HMCN2: variants seen among roughly 807,000 people sequenced by gnomAD.
HMCN2 encodes hemicentin 2.
HMCN2 carries 325 observed loss-of-function variants against 377.5 expected under a neutral mutation model. The observed-to-expected ratio is 0.86, with a 90% CI of 0.79 to 0.94. The LOEUF (loss-of-function observed/expected upper bound fraction) is 0.94. Among genes scored for constraint, HMCN2 ranks in the 40% least tolerant of loss-of-function variants. HMCN2 has a pLI of 0.00. For missense variants in HMCN2, 4,543 were observed against 4,725.3 expected (o/e 0.96, Z 1.13); for synonymous variants, 2,007 against 2,046.8 (o/e 0.98, Z 0.53).
chr9:130,300,732 C>G (rs114534691), intron 8 of HMCN2, among the ~76,000 whole-genome samples: 1 of 152,236 alleles, frequency 6.6e-6, no homozygotes, highest in South Asian at 2.1e-4. Context: ...CAATCTTTGG[C>G]CATGGTCTGT....
At position 130,274,228 on chromosome 9, in the gene HMCN2, T is replaced by G. The variant is rs545422892; in HGVS notation, c.259+8091T>G. Among the ~76,000 whole-genome samples the G allele has an allele frequency of 2.6e-5, 4 of 151,832 alleles. No individual in the cohort carries two copies. In the South Asian group the frequency reaches 8.3e-4, roughly 32 times the overall value. On this transcript the variant is annotated intron_variant, in intron 1 of 97. Transcript: ENST00000683500. ...CCACCATGCCCAGCTAATTTTTGTA[T>G]TTTTTAGTAGAGACAGGGTTTCACT...
intron 65 of HMCN2, 113 bp downstream of exon 65, chr9:130,391,687 G>A: frequency 1.1e-6 from 1 of 909,022 alleles, no homozygotes; most frequent in Non-Finnish European, 1.3e-6. Context: ...CACTTCCCTG[G>A]GCCTCCATGG....
At chr9:130,325,229 G>A (rs1838071483) in intron 19 of HMCN2, among the ~76,000 whole-genome samples, 1 of 151,798 alleles carries the variant, frequency 6.6e-6, no homozygotes, top group Non-Finnish European at 1.5e-5. Context: ...CGAGTAGCTG[G>A]GATTACAAGG....
At chr9:130,277,781 T>TCAC (rs1564739422) in intron 1 of HMCN2, among the ~76,000 whole-genome samples, 2 of 64,656 alleles carry the variant, frequency 3.1e-5, no homozygotes, top group Non-Finnish European at 6.5e-5. Flanking sequence ...ACCATCATCA[T>TCAC]CACCACCACC....
At chr9:130,310,423 A>T (rs1359541455) in intron 15 of HMCN2, among the ~76,000 whole-genome samples, 1 of 152,180 alleles carries the variant, frequency 6.6e-6, no homozygotes, top group Non-Finnish European at 1.5e-5. Context: ...GGCCTAGGGG[A>T]TCCACTCTAG....
In HMCN2 at chr9:130,366,467, A is replaced by AT. The variant is rs71499234; in HGVS notation, c.6625+498dup. Among the ~76,000 whole-genome samples, 344 of 82,972 alleles carry AT rather than the reference A, an allele frequency of 4.1e-3. 40 individuals carry two copies. The highest frequency in any genetic ancestry group is 0.012 in the African/African-American group (264 of 21,626). The allele number at this position is 82,972 out of a possible 152,430, so 54.4% of individuals were successfully genotyped here. On this transcript the variant is annotated intron_variant, in intron 43 of 97. Transcript: ENST00000683500. ...AAAACATTTGGAATTCACTTCACCAATTTTTTTTTTTTTTTTTTTTTTTTT... is the reference window on the plus strand; with the variant it reads ...AAAACATTTGGAATTCACTTCACCAATTTTTTTTTTTTTTTTTTTTTTTTTT...
In HMCN2 at chr9:130,410,211, A is replaced by G. The variant is rs1588417565; in HGVS notation, c.12880-360A>G. On this transcript the variant is annotated intron_variant, in intron 84 of 97. Coordinates refer to ENST00000683500, the MANE Select transcript of HMCN2 (RefSeq NM_001291815.2). ...TCTCCCAAACTTACTTGACCATGGAACCCTGTTCTCCAAGGAGTCTCAAAT... is the reference window on the plus strand; with the variant it reads ...TCTCCCAAACTTACTTGACCATGGAGCCCTGTTCTCCAAGGAGTCTCAAAT... Among the ~76,000 whole-genome samples, 5 of 152,348 alleles carry G rather than the reference A, an allele frequency of 3.3e-5. No individual in the cohort carries two copies. In the South Asian group the frequency reaches 1.0e-3, roughly 32 times the overall value.
chr9:130,384,411 A>G lies in HMCN2; in HGVS notation c.8869A>G (p.Thr2957Ala). 1.5e-6 allele frequency: 2 copies of G among 1,303,486 alleles called. No homozygotes were observed. The highest frequency in any genetic ancestry group is 2.0e-6 in the Non-Finnish European group (2 of 988,848). 80.7% of individuals were successfully genotyped at this position (1,303,486 alleles called of 1,614,324 possible). The change falls in exon 58 of 98, where the codon ACT becomes GCT. Residue 2957 changes from threonine (T) to alanine (A), a missense_variant. Transcript: ENST00000683500. ...CGCAGGCCTGGACTTGGAGCAGGTC[A>G]CTGCCATCCTCAACAGCAGCGTCTC... Reference protein sequence around the residue: ...RIAGLDLEQVTAILNSSVSLP... With the variant: ...RIAGLDLEQVAAILNSSVSLP...
In HMCN2 at chr9:130,365,625, T is replaced by G. The variant is rs1023991354; in HGVS notation, c.6409-6T>G. On this transcript the variant is annotated splice_polypyrimidine_tract_variant and splice_region_variant and intron_variant, in intron 41 of 97. Transcript: ENST00000683500. ...CCTCCCATGGGGTGTCTTTGCTCTCTGCCAGGTGGACAGAGCCGATGTGTG... is the reference window on the plus strand; with the variant it reads ...CCTCCCATGGGGTGTCTTTGCTCTCGGCCAGGTGGACAGAGCCGATGTGTG... 1.1e-5 allele frequency: 11 copies of G among 985,868 alleles called. No individual in the cohort carries two copies. Among genetic ancestry groups the G allele is most frequent in the Non-Finnish European group, 1.3e-5 (11 of 829,908 alleles). 61.1% of individuals were successfully genotyped at this position (985,868 alleles called of 1,614,324 possible). A position where few individuals can be genotyped will look rare whatever the true frequency, so the allele number is the denominator to read the frequency against.
At chr9:130,395,402 A>G in intron 71 of HMCN2, 55 bp downstream of exon 71, 1 of 1,230,120 alleles carries the variant, frequency 8.1e-7, no homozygotes, top group Middle Eastern at 2.5e-4. Context: ...CAGGCCTCAG[A>G]CCTGACCTGG....
rs200503590 is a variant in HMCN2 at position 130,280,151 on chromosome 9, T to TG, written c.260-4452_260-4451insG. 5.7e-3 allele frequency among the ~76,000 whole-genome samples: 261 copies of TG among 45,540 alleles called. 1 individual carries two copies. Among genetic ancestry groups the TG allele is most frequent in the African/African-American group, 0.027 (145 of 5,416 alleles). The allele number at this position is 45,540 out of a possible 152,430, so 29.9% of individuals were successfully genotyped here. A position where few individuals can be genotyped will look rare whatever the true frequency, so the allele number is the denominator to read the frequency against. On this transcript the variant is annotated intron_variant, in intron 1 of 97. Transcript: ENST00000683500. Reference sequence around the variant, plus strand: ...GCTTCCATAGCTGTGTGTGTGTGTGTTTTTTTTTTTTTTTTGGTTTTTTTT... The same window carrying TG: ...GCTTCCATAGCTGTGTGTGTGTGTGTGTTTTTTTTTTTTTTTGGTTTTTTTT...
At chr9:130,356,030 G>T in intron 33 of HMCN2, 58 bp from the exon 34 acceptor site, 1 of 1,124,390 alleles carries the variant, frequency 8.9e-7, no homozygotes. Context: ...TGCTTGTCCT[G>T]CCTGGCCTGG....
chr9:130,315,590 C>T (rs1051771926), intron 15 of HMCN2, among the ~76,000 whole-genome samples: 1 of 151,008 alleles, frequency 6.6e-6, no homozygotes, highest in African/African-American at 2.4e-5. Context: ...CTTTCCATCG[C>T]CTGGACTCTG....
At chr9:130,342,796 C>T (rs1049618247) in intron 25 of HMCN2, among the ~76,000 whole-genome samples, 4 of 152,190 alleles carry the variant, frequency 2.6e-5, no homozygotes, top group African/African-American at 4.8e-5. Context: ...GTTGGGGCTT[C>T]GTGGTCAGCC....
chr9:130,417,384 T>C (rs1843750676), intron 85 of HMCN2, among the ~76,000 whole-genome samples: 4 of 150,778 alleles, frequency 2.7e-5, no homozygotes, highest in Admixed American at 2.0e-4. Context: ...TAGCCAGGCG[T>C]GGTGGCACAC....
At chr9:130,301,452 T>G (rs1404330605) in intron 8 of HMCN2, among the ~76,000 whole-genome samples, 5 of 152,228 alleles carry the variant, frequency 3.3e-5, no homozygotes. Flanking sequence ...CCTCCAGGTC[T>G]GGGAGGCTGG....
chr9:130,359,562 C>A, intron 37 of HMCN2, 148 bp downstream of exon 37: 1 of 360,106 alleles, frequency 2.8e-6, no homozygotes, highest in Non-Finnish European at 5.6e-6. Context: ...TTCCTCTCTT[C>A]CTCTTCAACA....
At chr9:130,362,457 A>G (rs1333742454) in intron 39 of HMCN2, among the ~76,000 whole-genome samples, 7 of 152,262 alleles carry the variant, frequency 4.6e-5, no homozygotes, top group Admixed American at 2.0e-4. Flanking sequence ...AGTTAATCCA[A>G]TATATCCAAA....
At chr9:130,341,555 CTT>C in intron 24 of HMCN2, among the ~76,000 whole-genome samples, 190 bp downstream of exon 24, 1 of 152,314 alleles carries the variant, frequency 6.6e-6, no homozygotes, top group South Asian at 2.1e-4. Context: ...GTCCAGGAGC[CTT>C]TGTCAGTCCT....
Sources: gnomAD v4.1 joint callset for allele counts (sites outside exome capture counted in the v4.1 genomes callset) on GRCh38, gnomAD v4.1.1 for gene constraint, MANE v1.5 for transcripts, NCBI Gene and HGNC (gene_info 2026-07-23, HGNC 2026-07-21) for gene names.